Variants in TAFA2 observed in about 807,000 individuals in gnomAD.
TAFA2 encodes chemokine-like protein TAFA-2.
A neutral mutation model predicts 18.8 loss-of-function variants in TAFA2; 7 were observed. The observed-to-expected ratio is 0.37, with a 90% CI of 0.21 to 0.70. TAFA2 has a LOEUF of 0.70. Ranked by LOEUF, TAFA2 falls within the 30% of genes least tolerant of loss-of-function variation. The pLI, the probability that TAFA2 is intolerant of heterozygous loss-of-function variation, is 0.53. For synonymous variants in TAFA2, 60 were observed against 54.2 expected (o/e 1.11, Z -0.47); for missense variants, 122 against 158.1 (o/e 0.77, Z 1.23).
At chr12:62,187,562 G>A (rs2062595049) in intron 1 of TAFA2, among the ~76,000 whole-genome samples, 1 of 152,152 alleles carries the variant, frequency 6.6e-6, no homozygotes, top group South Asian at 2.1e-4. Context: ...AGGTACTACA[G>A]AGAAATATAT....
At chr12:62,186,722 C>T (rs547794941) in intron 1 of TAFA2, among the ~76,000 whole-genome samples, 2 of 152,238 alleles carry the variant, frequency 1.3e-5, no homozygotes, top group African/African-American at 4.8e-5. Flanking sequence ...ATTAAAAGGA[C>T]TTTATCTAAT....
chr12:61,929,926 G>A (rs1877482463), intron 1 of TAFA2, among the ~76,000 whole-genome samples: 1 of 150,520 alleles, frequency 6.6e-6, no homozygotes, highest in African/African-American at 2.5e-5. Context: ...AACACTGCAT[G>A]TTCTCACTCA....
At chr12:62,158,592 T>C (rs912583168) in intron 1 of TAFA2, among the ~76,000 whole-genome samples, 13 of 152,242 alleles carry the variant, frequency 8.5e-5, no homozygotes, top group Non-Finnish European at 1.6e-4. Flanking sequence ...AATTGCTGTA[T>C]CATCTTAAAT....
intron 1 of TAFA2, among the ~76,000 whole-genome samples, chr12:62,086,683 A>C (rs1868471163): frequency 6.6e-6 from 1 of 152,234 alleles, no homozygotes; most frequent in Non-Finnish European, 1.5e-5. Flanking sequence ...AGAGAAAATG[A>C]AATCTTGCTC....
At chr12:62,236,915 C>T (rs7139338) in intron 1 of TAFA2, among the ~76,000 whole-genome samples, 12,382 of 152,158 alleles carry the variant, frequency 0.081, 668 homozygotes, top group Middle Eastern at 0.18. Context: ...TTATTATACG[C>T]CTTGAGGTAG....
In TAFA2 at chr12:61,971,596, C is replaced by T. The variant is rs544480676; in HGVS notation, c.-1-104170G>A. Among the ~76,000 whole-genome samples the T allele has an allele frequency of 2.0e-5, 3 of 151,744 alleles. No homozygotes were observed. The South Asian group carries it at 6.2e-4, about 32-fold the overall frequency. On this transcript the variant is annotated intron_variant, in intron 1 of 4. Coordinates refer to ENST00000416284, the MANE Select transcript of TAFA2 (RefSeq NM_178539.5). ...GCAGGGACATGGATGAAGCTGGAGA[C>T]CATCATTCTCAGCAAAATTTCACAA...
chr12:61,907,540 G>T (rs1045358706), intron 1 of TAFA2, among the ~76,000 whole-genome samples: 27 of 152,174 alleles, frequency 1.8e-4, no homozygotes, highest in Admixed American at 3.3e-4. Context: ...TGCTGCAGGG[G>T]TGGGGCCCTC....
At chr12:61,897,499 A>T (rs1405090060) in intron 1 of TAFA2, among the ~76,000 whole-genome samples, 1 of 152,214 alleles carries the variant, frequency 6.6e-6, no homozygotes, top group Non-Finnish European at 1.5e-5. Flanking sequence ...TTACTATCAT[A>T]GCAGAAGGGG....
At chr12:62,115,628 CA>C (rs1433943605) in intron 1 of TAFA2, among the ~76,000 whole-genome samples, 1 of 152,114 alleles carries the variant, frequency 6.6e-6, no homozygotes, top group Non-Finnish European at 1.5e-5. Context: ...TATCCCCTCC[CA>C]ACCCTCACAC....
intron 1 of TAFA2, among the ~76,000 whole-genome samples, chr12:62,246,153 A>G (rs968164413): frequency 6.6e-6 from 1 of 151,948 alleles, no homozygotes; most frequent in Non-Finnish European, 1.5e-5. Flanking sequence ...TGCCCAGCTA[A>G]TTTTTTGTAT....
At chr12:62,025,955 C>T (rs1881298245) in intron 1 of TAFA2, among the ~76,000 whole-genome samples, 1 of 152,080 alleles carries the variant, frequency 6.6e-6, no homozygotes, top group Admixed American at 6.6e-5. Flanking sequence ...ACTGGTAATA[C>T]ACACTAACAT....
intron 4 of TAFA2, among the ~76,000 whole-genome samples, chr12:61,723,885 C>T (rs939987797): frequency 6.6e-6 from 1 of 152,144 alleles, no homozygotes. Context: ...CTGCTTAACA[C>T]TGTCAGGAAA....
At chr12:62,096,770 T>G (rs957942757) in intron 1 of TAFA2, among the ~76,000 whole-genome samples, 6 of 152,136 alleles carry the variant, frequency 3.9e-5, no homozygotes, top group African/African-American at 1.4e-4. Context: ...CTTGTCACTC[T>G]CGTGCAGTTT....
At chr12:62,203,769 G>C (rs1333874231) in intron 1 of TAFA2, among the ~76,000 whole-genome samples, 1 of 152,042 alleles carries the variant, frequency 6.6e-6, no homozygotes, top group Admixed American at 6.6e-5. Context: ...ACATACCAAT[G>C]GGTCTTGACT....
intron 1 of TAFA2, among the ~76,000 whole-genome samples, chr12:61,908,889 A>C (rs1030515723): frequency 1.3e-5 from 2 of 152,144 alleles, no homozygotes; most frequent in African/African-American, 4.8e-5. Flanking sequence ...TATTCTCAGC[A>C]AAACTAAACC....
At chr12:62,131,893 G>A (rs988664728) in intron 1 of TAFA2, among the ~76,000 whole-genome samples, 7 of 151,922 alleles carry the variant, frequency 4.6e-5, no homozygotes, top group African/African-American at 1.7e-4. Context: ...TATGATGACT[G>A]TTTCACTAGA....
At chr12:62,150,973 A>G (rs73129961) in intron 1 of TAFA2, among the ~76,000 whole-genome samples, 22,214 of 151,280 alleles carry the variant, frequency 0.15, 1,833 homozygotes, top group African/African-American at 0.18. Flanking sequence ...AAATAGGCAC[A>G]TCCAAGTGTT....
intron 1 of TAFA2, among the ~76,000 whole-genome samples, chr12:62,090,868 A>G (rs1319275192): frequency 6.6e-6 from 1 of 151,988 alleles, no homozygotes; most frequent in Admixed American, 6.6e-5. Context: ...AAATCCAAGG[A>G]TAACTAGTTT....
At chr12:61,713,121 T>C (rs929791995) in intron 4 of TAFA2, among the ~76,000 whole-genome samples, 3 of 152,194 alleles carry the variant, frequency 2.0e-5, no homozygotes, top group Admixed American at 1.3e-4. Context: ...AAGGTTTCTC[T>C]GTACATCATA....
Sources: allele counts gnomAD v4.1 joint callset (sites outside exome capture counted in the v4.1 genomes callset), GRCh38; gene constraint gnomAD v4.1.1; transcripts MANE v1.5; gene names NCBI Gene and HGNC (gene_info 2026-07-23, HGNC 2026-07-21).